Variants in COMMD10 observed in about 807,000 individuals in gnomAD.
COMMD10 encodes the protein COMM domain-containing protein 10.
In COMMD10, 33 loss-of-function variants were observed where a neutral mutation model predicts 28.9. The ratio of observed to expected loss-of-function variants is 1.14; its 90% CI spans 0.87 to 1.53. The LOEUF (loss-of-function observed/expected upper bound fraction) is 1.53, where lower values mean the gene tolerates loss of function less well. COMMD10 is among the 40% of genes most tolerant of loss of function. The pLI is 0.00. For missense variants in COMMD10, 310 were observed against 233.4 expected, an observed-to-expected ratio of 1.33 and a Z score of -2.14; for synonymous variants, 110 against 81.7, an observed-to-expected ratio of 1.35 and a Z score of -1.87.
At chr5:116,216,914 T>C (rs1386975451) in intron 5 of COMMD10, among the ~76,000 whole-genome samples, 1 of 152,160 alleles carries the variant, frequency 6.6e-6, no homozygotes, top group Non-Finnish European at 1.5e-5. Flanking sequence ...TTTTAACCTG[T>C]TCTTCAGTTA....
chr5:116,200,869 A>G (rs998032159), intron 5 of COMMD10, among the ~76,000 whole-genome samples: 2 of 152,086 alleles, frequency 1.3e-5, no homozygotes, highest in East Asian at 3.9e-4. Context: ...TGATCTTATG[A>G]TTCCAACATC....
intron 5 of COMMD10, among the ~76,000 whole-genome samples, chr5:116,260,847 GA>G (rs1286661873): frequency 6.6e-6 from 1 of 151,742 alleles, no homozygotes; most frequent in Non-Finnish European, 1.5e-5. Flanking sequence ...AAGAGAGTAA[GA>G]AAATATTTAC....
At chr5:116,254,932 T>C (rs1750237115) in intron 5 of COMMD10, among the ~76,000 whole-genome samples, 1 of 151,464 alleles carries the variant, frequency 6.6e-6, no homozygotes, top group Non-Finnish European at 1.5e-5. Flanking sequence ...TGTGGGAGTC[T>C]AAGTCTCTTT....
intron 4 of COMMD10, among the ~76,000 whole-genome samples, chr5:116,133,853 CTT>C (rs1358943811): frequency 2.0e-5 from 3 of 151,996 alleles, no homozygotes; most frequent in South Asian, 2.1e-4. Flanking sequence ...TTAAAGATGA[CTT>C]TTGCTGTTAA....
chr5:116,187,205 C>T (rs1748167799), intron 5 of COMMD10, among the ~76,000 whole-genome samples: 1 of 152,012 alleles, frequency 6.6e-6, no homozygotes, highest in African/African-American at 2.4e-5. Flanking sequence ...TTTTCAGCTC[C>T]TAATGCTGTA....
rs553352581 is a variant in COMMD10 at position 116,289,535 on chromosome 5, C to T, written c.511-1982C>T. On this transcript the variant is annotated intron_variant, in intron 5 of 6. Coordinates refer to ENST00000274458, the MANE Select transcript of COMMD10 (RefSeq NM_016144.4). Reference sequence around the variant, plus strand: ...ACCTCTGTTTTCAGTGCCTTCCAAACGCTGGTGCTGGGCGTGTGAGTGCCC... The same window carrying T: ...ACCTCTGTTTTCAGTGCCTTCCAAATGCTGGTGCTGGGCGTGTGAGTGCCC... 9.7e-4 allele frequency among the ~76,000 whole-genome samples: 147 copies of T among 151,954 alleles called. 1 individual carries two copies. The South Asian group carries it at 0.025, about 26-fold the overall frequency.
intron 5 of COMMD10, among the ~76,000 whole-genome samples, chr5:116,168,497 C>T (rs1375392911): frequency 2.0e-5 from 3 of 152,168 alleles, no homozygotes; most frequent in African/African-American, 7.2e-5. Flanking sequence ...TAGACATCTA[C>T]AGAACTCTCC....
intron 5 of COMMD10, among the ~76,000 whole-genome samples, chr5:116,211,096 T>G (rs1748952275): frequency 6.6e-6 from 1 of 152,036 alleles, no homozygotes; most frequent in East Asian, 1.9e-4. Flanking sequence ...TATATTAGAG[T>G]TCTTCAGAGA....
intron 5 of COMMD10, among the ~76,000 whole-genome samples, chr5:116,269,017 A>G (rs1750683047): frequency 6.6e-6 from 1 of 151,804 alleles, no homozygotes; most frequent in Non-Finnish European, 1.5e-5. Context: ...TAATGGGTGC[A>G]GCACACCAAC....
chr5:116,279,468 C>T (rs1751010716), intron 5 of COMMD10, among the ~76,000 whole-genome samples: 1 of 151,732 alleles, frequency 6.6e-6, no homozygotes, highest in Non-Finnish European at 1.5e-5. Flanking sequence ...TTTCCGTTTG[C>T]CCAGTGCCCT....
At chr5:116,253,940 G>C (rs1041733395) in intron 5 of COMMD10, among the ~76,000 whole-genome samples, 1 of 151,900 alleles carries the variant, frequency 6.6e-6, no homozygotes, top group African/African-American at 2.4e-5. Flanking sequence ...ACTCTTCTTG[G>C]TTGGTAAGCT....
intron 5 of COMMD10, among the ~76,000 whole-genome samples, chr5:116,166,460 T>C (rs757237929): frequency 1.2e-4 from 18 of 152,156 alleles, no homozygotes; most frequent in Non-Finnish European, 2.2e-4. Flanking sequence ...TCTAATAAAT[T>C]GAAATGCTGT....
At chr5:116,161,540 C>T (rs890390261) in intron 5 of COMMD10, among the ~76,000 whole-genome samples, 2 of 151,492 alleles carry the variant, frequency 1.3e-5, no homozygotes, top group South Asian at 4.2e-4. Context: ...CTACTGTTAC[C>T]CAGAAGCCTT....
At chr5:116,181,256 T>C (rs951369459) in intron 5 of COMMD10, among the ~76,000 whole-genome samples, 5 of 152,014 alleles carry the variant, frequency 3.3e-5, no homozygotes, top group Admixed American at 2.0e-4. Flanking sequence ...TCTCTGGAAG[T>C]AGTATGTGAA....
chr5:116,293,052 C>G lies in COMMD10; in HGVS notation c.*563C>G, dbSNP rs1035815845. ...TTAATTCCAGTCTGAGCTTCTCTGTCAACTTCAGTTTCTCTCTCAGTTTAA... is the reference window on the plus strand; with the variant it reads ...TTAATTCCAGTCTGAGCTTCTCTGTGAACTTCAGTTTCTCTCTCAGTTTAA... On this transcript the variant is annotated 3_prime_UTR_variant, in exon 7 of 7. Coordinates refer to ENST00000274458, the MANE Select transcript of COMMD10 (RefSeq NM_016144.4). 5 of 397,096 alleles carry G rather than the reference C, an allele frequency of 1.3e-5. No individual in the cohort carries two copies. The highest frequency in any genetic ancestry group is 1.0e-4 in the African/African-American group (5 of 48,542). 24.6% of individuals were successfully genotyped at this position (397,096 alleles called of 1,614,324 possible).
chr5:116,196,764 G>A (rs1748533788), intron 5 of COMMD10, among the ~76,000 whole-genome samples: 3 of 151,894 alleles, frequency 2.0e-5, no homozygotes. Context: ...TCTATATAAT[G>A]ATTGGAAAAA....
intron 4 of COMMD10, among the ~76,000 whole-genome samples, chr5:116,112,214 A>G (rs1228600801): frequency 6.6e-6 from 1 of 152,036 alleles, no homozygotes; most frequent in Non-Finnish European, 1.5e-5. Flanking sequence ...ACTGATAATG[A>G]CTTCATTATT....
intron 5 of COMMD10, among the ~76,000 whole-genome samples, chr5:116,290,564 C>T (rs1470051616): frequency 1.3e-5 from 2 of 151,780 alleles, no homozygotes; most frequent in African/African-American, 4.9e-5. Context: ...TAAAAGTGAA[C>T]ATAGAAACTG....
intron 5 of COMMD10, among the ~76,000 whole-genome samples, chr5:116,136,681 G>A (rs1391153048): frequency 1.3e-5 from 2 of 152,168 alleles, no homozygotes; most frequent in Non-Finnish European, 2.9e-5. Flanking sequence ...TGAATATCTA[G>A]ATGTGAAATC....
Sources: allele counts gnomAD v4.1 joint callset (sites outside exome capture counted in the v4.1 genomes callset), GRCh38; gene constraint gnomAD v4.1.1; transcripts MANE v1.5; gene names NCBI Gene and HGNC (gene_info 2026-07-23, HGNC 2026-07-21).